DIAPH2: variants seen among roughly 807,000 people sequenced by gnomAD.
DIAPH2 encodes diaphanous related formin 2, also known as protein diaphanous homolog 2.
In DIAPH2, 35 loss-of-function variants were observed where a neutral mutation model predicts 92.7. The observed-to-expected ratio is 0.38, with a 90% CI of 0.29 to 0.50. The LOEUF (loss-of-function observed/expected upper bound fraction) is 0.50, where lower values mean the gene tolerates loss of function less well. Among genes scored for constraint, DIAPH2 ranks in the 20% least tolerant of loss-of-function variants. DIAPH2 has a pLI of 0.94. For missense variants in DIAPH2, 701 were observed against 819.5 expected (o/e 0.86, Z 1.77); for synonymous variants, 301 against 280.4 (o/e 1.07, Z -0.73).
At chrX:97,178,443 CTTTTTTTTTTTTT>C (rs766983375) in intron 22 of DIAPH2, among the ~76,000 whole-genome samples, 7 of 67,289 alleles carry the variant, frequency 1.0e-4, no homozygotes, top group African/African-American at 5.0e-4. Context: ...CTATATTTCT[CTTTTTTTTTTTTT>C]TTTTTTTTTT....
chrX:97,427,101 C>G (rs550266228), intron 25 of DIAPH2, among the ~76,000 whole-genome samples: 3 of 108,949 alleles, frequency 2.8e-5, no homozygotes, highest in African/African-American at 1.0e-4. Flanking sequence ...TTGCTTGAAC[C>G]CAGGAGGCGG....
intron 23 of DIAPH2, among the ~76,000 whole-genome samples, chrX:97,286,056 T>A (rs2068539262): frequency 9.5e-6 from 1 of 104,930 alleles, no homozygotes; most frequent in South Asian, 4.4e-4. Context: ...TTTTTTTTTT[T>A]TTGAGATGGA....
At chrX:97,249,400 T>C (rs2068168779) in intron 23 of DIAPH2, among the ~76,000 whole-genome samples, 1 of 112,272 alleles carries the variant, frequency 8.9e-6, no homozygotes, top group Admixed American at 9.5e-5. Context: ...ATGGTTATTC[T>C]TCATTTAAGT....
intron 26 of DIAPH2, among the ~76,000 whole-genome samples, chrX:97,519,070 G>T (rs2147843917): frequency 8.9e-6 from 1 of 111,838 alleles, no homozygotes; most frequent in East Asian, 2.8e-4. Context: ...TTGAGAGTTG[G>T]CTATACATTG....
chrX:97,140,694 T>A (rs2067203481), intron 21 of DIAPH2, among the ~76,000 whole-genome samples: 1 of 111,851 alleles, frequency 8.9e-6, no homozygotes, highest in South Asian at 3.7e-4. Flanking sequence ...GCTATGTTTT[T>A]CTTTCTTAGT....
At chrX:96,954,514 C>G (rs747632973) in intron 15 of DIAPH2, among the ~76,000 whole-genome samples, 31 of 112,018 alleles carry the variant, frequency 2.8e-4, no homozygotes, top group Non-Finnish European at 4.5e-4. Context: ...ATAATCCTAT[C>G]TATTTGAATT....
At chrX:97,245,435 T>C (rs2068133385) in intron 22 of DIAPH2, among the ~76,000 whole-genome samples, 1 of 110,992 alleles carries the variant, frequency 9.0e-6, no homozygotes, top group South Asian at 3.8e-4. Context: ...CATCTCATTT[T>C]CTTTTTTTTA....
chrX:96,932,423 G>A (rs1036848071), intron 10 of DIAPH2, among the ~76,000 whole-genome samples: 42 of 110,445 alleles, frequency 3.8e-4, no homozygotes, highest in African/African-American at 1.3e-3. Context: ...GTATGGTATT[G>A]TAGCTCTTGT....
intron 23 of DIAPH2, among the ~76,000 whole-genome samples, chrX:97,299,129 T>G (rs1488264892): frequency 9.0e-6 from 1 of 111,709 alleles, no homozygotes; most frequent in African/African-American, 3.3e-5. Flanking sequence ...CAGGGAATGA[T>G]CTATAAAGAG....
At chrX:97,413,890 G>A (rs934378752) in intron 25 of DIAPH2, among the ~76,000 whole-genome samples, 4 of 111,407 alleles carry the variant, frequency 3.6e-5, no homozygotes, top group African/African-American at 1.3e-4. Flanking sequence ...ACCACTCAAC[G>A]AAATAGAAGA....
rs1556133291 is a variant in DIAPH2 at position 97,476,968 on chromosome X, AAT to A, written c.3241+47239_3241+47240del. 8.9e-5 allele frequency among the ~76,000 whole-genome samples: 3 copies of A among 33,602 alleles called. No homozygotes were observed. The East Asian group carries it at 3.0e-3, about 33-fold the overall frequency. The allele number at this position is 33,602 out of a possible 115,157, so 29.2% of individuals were successfully genotyped here. ...TCAAAAAAAAAAAAAAAAAAAAAAAAATATATATATATATATACACACACACA... is the reference window on the plus strand; with the variant it reads ...TCAAAAAAAAAAAAAAAAAAAAAAAAATATATATATATATACACACACACA... On this transcript the variant is annotated intron_variant, in intron 26 of 26. Transcript: ENST00000324765.
chrX:96,855,767 A>T (rs1175312829), intron 4 of DIAPH2, among the ~76,000 whole-genome samples: 2 of 110,476 alleles, frequency 1.8e-5, no homozygotes, highest in South Asian at 3.8e-4. Context: ...AGAATAGGAA[A>T]TTTTTTTTAA....
intron 23 of DIAPH2, among the ~76,000 whole-genome samples, chrX:97,290,890 C>T (rs1340163837): frequency 9.0e-6 from 1 of 111,085 alleles, no homozygotes; most frequent in Non-Finnish European, 1.9e-5. Context: ...GCCTGGCCAA[C>T]GTGGTGAAAC....
chrX:96,782,352 G>A (rs2064423945), intron 4 of DIAPH2, among the ~76,000 whole-genome samples: 1 of 111,119 alleles, frequency 9.0e-6, no homozygotes, highest in Non-Finnish European at 1.9e-5. Context: ...ATGGGGTGCA[G>A]TGGCGCGATC....
rs570754558 is a variant in DIAPH2 at position 96,788,384 on chromosome X, T to G, written c.447+30126T>G. On this transcript the variant is annotated intron_variant, in intron 4 of 26. Transcript: ENST00000324765. ...GGATATTTGAAGGTTAGAGCTTGGT[T>G]TCTATTTCTATGCCAGACAAATCTT... Among the ~76,000 whole-genome samples the G allele has an allele frequency of 7.8e-4, 87 of 111,803 alleles. 1 individual carries two copies. Among genetic ancestry groups the G allele is most frequent in the East Asian group, 4.3e-3 (15 of 3,528 alleles).
intron 4 of DIAPH2, among the ~76,000 whole-genome samples, chrX:96,763,841 T>C (rs757611951): frequency 7.0e-4 from 78 of 111,239 alleles, no homozygotes; most frequent in African/African-American, 2.5e-3. Flanking sequence ...GACTAAGCAC[T>C]CCCTAGAGAA....
At chrX:97,082,436 G>A (rs1393892404) in intron 19 of DIAPH2, among the ~76,000 whole-genome samples, 1 of 103,360 alleles carries the variant, frequency 9.7e-6, no homozygotes, top group South Asian at 4.5e-4. Context: ...CCTGACCAAC[G>A]TAATGAAACC....
chrX:96,790,663 C>A (rs1017909610), intron 4 of DIAPH2, among the ~76,000 whole-genome samples: 11 of 111,048 alleles, frequency 9.9e-5, no homozygotes, highest in African/African-American at 3.6e-4. Flanking sequence ...TCCTATGTAT[C>A]TTAGAGAATT....
At chrX:97,381,761 C>A (rs1297218566) in intron 24 of DIAPH2, among the ~76,000 whole-genome samples, 1 of 111,630 alleles carries the variant, frequency 9.0e-6, no homozygotes, top group Non-Finnish European at 1.9e-5. Context: ...ACAAATAATA[C>A]CTACTTTGCA....
Sources: allele counts gnomAD v4.1 joint callset (sites outside exome capture counted in the v4.1 genomes callset), GRCh38; gene constraint gnomAD v4.1.1; transcripts MANE v1.5; gene names NCBI Gene and HGNC (gene_info 2026-07-23, HGNC 2026-07-21).